Variants in KCNG2 observed in about 807,000 individuals in gnomAD.
The protein encoded by KCNG2 is potassium voltage-gated channel modifier subfamily G member 2, also known as voltage-gated potassium channel regulatory subunit KCNG2.
KCNG2 carries 7 observed loss-of-function variants against 12.3 expected under a neutral mutation model. The ratio of observed to expected loss-of-function variants is 0.57; its 90% CI spans 0.32 to 1.07. The LOEUF (loss-of-function observed/expected upper bound fraction) is 1.07. Ranked by LOEUF, KCNG2 falls within the 50% of genes least tolerant of loss-of-function variation. The pLI is 0.04. For synonymous variants in KCNG2, 414 were observed against 351.4 expected (o/e 1.18, Z -1.99); for missense variants, 703 against 726.0 (o/e 0.97, Z 0.36).
chr18:79,866,464 T>TGA (rs1373909999), intron 3 of KCNG2, among the ~76,000 whole-genome samples: 1 of 88,458 alleles, frequency 1.1e-5, no homozygotes. Flanking sequence ...GTGTGGGTGC[T>TGA]GAGGTCTGGG....
At chr18:79,798,926 C>T (rs997987074) in intron 1 of KCNG2, among the ~76,000 whole-genome samples, 1 of 152,186 alleles carries the variant, frequency 6.6e-6, no homozygotes, top group African/African-American at 2.4e-5. Context: ...CGGTGGAGCC[C>T]CCGCCCGCGC....
chr18:79,805,539 CT>C (rs926085260), intron 1 of KCNG2, among the ~76,000 whole-genome samples: 14 of 150,066 alleles, frequency 9.3e-5, no homozygotes, highest in African/African-American at 2.4e-4. Context: ...TCTCCATTGC[CT>C]TTTTTTTTTC....
intron 1 of KCNG2, among the ~76,000 whole-genome samples, chr18:79,826,192 C>G (rs967084577): frequency 6.6e-5 from 10 of 150,488 alleles, no homozygotes; most frequent in African/African-American, 2.5e-4. Flanking sequence ...AAACTGTGAT[C>G]TGAGGCGCGA....
At chr18:79,869,052 G>A (rs1362862106) in intron 3 of KCNG2, among the ~76,000 whole-genome samples, 1 of 151,982 alleles carries the variant, frequency 6.6e-6, no homozygotes, top group Non-Finnish European at 1.5e-5. Context: ...GCTGTCCCAG[G>A]TGCAGGGGTG....
intron 1 of KCNG2, among the ~76,000 whole-genome samples, chr18:79,833,355 G>T (rs1464420569): frequency 6.6e-6 from 1 of 152,164 alleles, no homozygotes; most frequent in Non-Finnish European, 1.5e-5. Context: ...TGCCCTGGCT[G>T]GTCTCAAACT....
chr18:79,798,266 A>G (rs1190664413), intron 1 of KCNG2, among the ~76,000 whole-genome samples: 1 of 151,284 alleles, frequency 6.6e-6, no homozygotes, highest in African/African-American at 2.4e-5. Flanking sequence ...CTCAGCGCCC[A>G]GAGTCCGGGA....
At chr18:79,898,901 A>T in intron 3 of KCNG2, 139 bp from the exon 4 acceptor site, 1 of 601,224 alleles carries the variant, frequency 1.7e-6, no homozygotes, top group Non-Finnish European at 2.8e-6. Flanking sequence ...GCCTGTCAAT[A>T]TCCCCTGCAC....
intron 1 of KCNG2, among the ~76,000 whole-genome samples, chr18:79,843,817 T>C (rs1165044973): frequency 6.6e-6 from 1 of 151,980 alleles, no homozygotes; most frequent in East Asian, 1.9e-4. Context: ...GAAGAAACAA[T>C]CAAAGGAACT....
intron 3 of KCNG2, among the ~76,000 whole-genome samples, chr18:79,893,848 G>T (rs895858566): frequency 6.6e-6 from 1 of 151,254 alleles, no homozygotes; most frequent in Non-Finnish European, 1.5e-5. Flanking sequence ...CATTAATAAC[G>T]ATATAGTTGG....
intron 1 of KCNG2, among the ~76,000 whole-genome samples, chr18:79,817,235 C>T (rs960492630): frequency 3.3e-5 from 5 of 151,866 alleles, no homozygotes; most frequent in African/African-American, 9.7e-5. Context: ...GGCTGTCACA[C>T]ACCTGCCACA....
intron 3 of KCNG2, among the ~76,000 whole-genome samples, chr18:79,878,098 G>A (rs1451585238): frequency 6.6e-6 from 1 of 152,280 alleles, no homozygotes; most frequent in East Asian, 1.9e-4. Context: ...TAAATGCCTG[G>A]GAGGAAAAGC....
intron 1 of KCNG2, among the ~76,000 whole-genome samples, chr18:79,827,720 T>G (rs1054823479): frequency 6.6e-6 from 1 of 152,130 alleles, no homozygotes; most frequent in Non-Finnish European, 1.5e-5. Context: ...GCCCACCCAG[T>G]GCCGCAGCTC....
intron 3 of KCNG2, among the ~76,000 whole-genome samples, chr18:79,878,261 G>A (rs2123105333): frequency 6.6e-6 from 1 of 152,082 alleles, no homozygotes; most frequent in African/African-American, 2.4e-5. Flanking sequence ...AGTGTGCAGA[G>A]GGCGCCTGAT....
Position 79,800,296 on chromosome 18 carries a change from G to A in KCNG2, c.-115+2282G>A, listed in dbSNP as rs1229261898. 6.6e-6 allele frequency among the ~76,000 whole-genome samples: 1 copy of A among 152,096 alleles called. No homozygotes were observed. The highest frequency in any genetic ancestry group is 2.4e-5 in the African/African-American group (1 of 41,396). On this transcript the variant is annotated intron_variant, in intron 1 of 3. Transcript: ENST00000316249. This position sits in a 1 kb window ranked among gnomAD's most constrained non-coding sequence, Gnocchi z 4.0. ...GAGTACTGCGCGCCTGTCCACGGAT[G>A]GGTAATTTTGTAATGAATGGGGATA...
At position 79,803,597 on chromosome 18, in the gene KCNG2, C is replaced by A. The variant is rs894917366; in HGVS notation, c.-115+5583C>A. 1.3e-5 allele frequency among the ~76,000 whole-genome samples: 2 copies of A among 152,196 alleles called. No homozygotes were observed. Among genetic ancestry groups the A allele is most frequent in the African/African-American group, 4.8e-5 (2 of 41,442 alleles). On this transcript the variant is annotated intron_variant, in intron 1 of 3. Transcript: ENST00000316249. The surrounding 1 kb of genome is among the most constrained non-coding windows in gnomAD (Gnocchi z 4.5). The stretch of plus-strand genomic sequence containing the variant: ...CTGGGGGCTCCGATCGTGTTTCTTC[C>A]CTGAGAACCTGCAGGGCTGGCCGTG...
At chr18:79,871,623 GC>G (rs1244620979) in intron 3 of KCNG2, among the ~76,000 whole-genome samples, 4 of 152,200 alleles carry the variant, frequency 2.6e-5, no homozygotes, top group Non-Finnish European at 4.4e-5. Context: ...TGCAGGACCA[GC>G]CGGTGGCCCC....
At chr18:79,807,637 A>G (rs1460965654) in intron 1 of KCNG2, among the ~76,000 whole-genome samples, 7 of 152,162 alleles carry the variant, frequency 4.6e-5, no homozygotes. Flanking sequence ...CTCCCGCCGC[A>G]GCACACGCTG....
At chr18:79,869,891 G>A (rs1317184177) in intron 3 of KCNG2, among the ~76,000 whole-genome samples, 2 of 152,220 alleles carry the variant, frequency 1.3e-5, no homozygotes, top group East Asian at 1.9e-4. Flanking sequence ...CCACCACCAC[G>A]CGGGACGGCC....
At chr18:79,839,066 T>A (rs2123035350) in intron 1 of KCNG2, among the ~76,000 whole-genome samples, 1 of 152,164 alleles carries the variant, frequency 6.6e-6, no homozygotes, top group South Asian at 2.1e-4. Context: ...AGAGGCCAAG[T>A]CAGGAGGATC....
Sources: gnomAD v4.1 joint callset for allele counts (sites outside exome capture counted in the v4.1 genomes callset) on GRCh38, gnomAD v4.1.1 for gene constraint, Gnocchi (gnomAD v3.1) non-coding constraint, MANE v1.5 for transcripts, NCBI Gene and HGNC (gene_info 2026-07-23, HGNC 2026-07-21) for gene names.